Variants in KHDC4 observed in about 807,000 individuals in gnomAD.
KHDC4 encodes the protein KH homology domain-containing protein 4.
KHDC4 carries 19 observed loss-of-function variants against 74.5 expected under a neutral mutation model. The observed-to-expected ratio is 0.26, with a 90% confidence interval of 0.18 to 0.37. KHDC4 has a LOEUF of 0.37. Ranked by LOEUF, KHDC4 falls within the 10% of genes least tolerant of loss-of-function variation. The pLI is 1.00. For synonymous variants in KHDC4, 253 were observed against 266.1 expected, an observed-to-expected ratio of 0.95 and a Z score of 0.48; for missense variants, 632 against 754.1, an observed-to-expected ratio of 0.84 and a Z score of 1.90.
At chr1:155,919,965 T>C (rs1245762028) in intron 10 of KHDC4, 7 of 517,790 alleles carry the variant, frequency 1.4e-5, no homozygotes, top group Non-Finnish European at 2.7e-5. Flanking sequence ...TGGGCAATGG[T>C]TCGAGGCTGC....
intron 11 of KHDC4, 66 bp downstream of exon 11, chr1:155,917,432 CT>C: frequency 7.6e-7 from 1 of 1,316,400 alleles, no homozygotes; most frequent in Non-Finnish European, 1.1e-6. Flanking sequence ...GTGAATTTAT[CT>C]TTTTTAAAGG....
At chr1:155,926,081 T>G in intron 6 of KHDC4, 1 of 701,864 alleles carries the variant, frequency 1.4e-6, no homozygotes, top group East Asian at 2.8e-5. Context: ...TTCTTAGTCC[T>G]CCAGTTGTCA....
chr1:155,923,735 G>C, intron 7 of KHDC4, 48 bp from the exon 8 acceptor site: 1 of 1,394,862 alleles, frequency 7.2e-7, no homozygotes, highest in South Asian at 1.2e-5. Context: ...ATAAATAAAA[G>C]ATGCAGAATT....
At chr1:155,923,718 G>C (rs947965239) in intron 7 of KHDC4, 31 bp from the exon 8 acceptor site, 1 of 1,542,620 alleles carries the variant, frequency 6.5e-7, no homozygotes, top group Non-Finnish European at 9.0e-7. Flanking sequence ...ATTCAAAGGA[G>C]AGAAAAATAA....
In KHDC4 at chr1:155,934,317, C is replaced by T. The variant is rs749149628; in HGVS notation, c.38+19G>A. Reference sequence around the variant, plus strand: ...GCGCCCCAGTGCTCGCTCCGATGCCCTCGCCCCTGAAGCCGTACCCGCCAG... The same window carrying T: ...GCGCCCCAGTGCTCGCTCCGATGCCTTCGCCCCTGAAGCCGTACCCGCCAG... On this transcript the variant is annotated intron_variant, in intron 1 of 13. Transcript: ENST00000368321. 4 of 1,607,386 alleles carry T rather than the reference C, an allele frequency of 2.5e-6. No individual in the cohort carries two copies. The highest frequency in any genetic ancestry group is 1.7e-5 in the Admixed American group (1 of 59,958).
intron 10 of KHDC4, among the ~76,000 whole-genome samples, chr1:155,919,539 G>T (rs1382250367): frequency 2.0e-5 from 3 of 151,930 alleles, no homozygotes; most frequent in Admixed American, 6.6e-5. Flanking sequence ...GGCCGGGCGC[G>T]GTGGCTCACG....
intron 5 of KHDC4, 123 bp from the exon 6 acceptor site, chr1:155,926,962 C>A: frequency 7.5e-7 from 1 of 1,325,536 alleles, no homozygotes. Context: ...CTCTCCATCC[C>A]TCTAAACTCC....
In KHDC4 at chr1:155,925,591, T is replaced by C. The variant is rs374167437; in HGVS notation, c.893+41A>G. The C allele has an allele frequency of 5.2e-6, 8 of 1,535,880 alleles. No individual in the cohort carries two copies. The African/African-American group carries it at 6.8e-5, about 13-fold the overall frequency. On this transcript the variant is annotated intron_variant, in intron 7 of 13. Transcript: ENST00000368321. ...AATCACTCCTGACTGTACCAACAAGTTGACAAGAATTCACATGTCCCCTGC... is the reference window on the plus strand; with the variant it reads ...AATCACTCCTGACTGTACCAACAAGCTGACAAGAATTCACATGTCCCCTGC...
At chr1:155,928,900 C>T (rs1674082805) in intron 4 of KHDC4, among the ~76,000 whole-genome samples, 1 of 146,298 alleles carries the variant, frequency 6.8e-6, no homozygotes, top group South Asian at 2.1e-4. Flanking sequence ...TGAAGTGAGC[C>T]GAGATCACGC....
intron 12 of KHDC4, 119 bp downstream of exon 12, chr1:155,916,506 T>G: frequency 1.4e-6 from 1 of 713,914 alleles, no homozygotes; most frequent in East Asian, 2.6e-5. Flanking sequence ...AGAAGCATAT[T>G]TGATTCAAAG....
chr1:155,914,409 A>T, intron 13 of KHDC4, 89 bp from the exon 14 acceptor site: 1 of 1,099,592 alleles, frequency 9.1e-7, no homozygotes, highest in Non-Finnish European at 1.3e-6. Flanking sequence ...AAAAGATGTT[A>T]ATTTTAAGTG....
intron 13 of KHDC4, chr1:155,915,649 A>G: frequency 2.2e-6 from 1 of 457,244 alleles, no homozygotes. Context: ...CTGGAATTAC[A>G]GGCGCCCACC....
chr1:155,920,235 C>T (rs1024920519), intron 10 of KHDC4, among the ~76,000 whole-genome samples: 2 of 127,308 alleles, frequency 1.6e-5, no homozygotes, highest in South Asian at 3.0e-4. Context: ...GTCAGGAGAT[C>T]GAGATCATCC....
At chr1:155,917,802 C>T in intron 10 of KHDC4, 130 bp from the exon 11 acceptor site, 1 of 752,684 alleles carries the variant, frequency 1.3e-6, no homozygotes, top group South Asian at 2.0e-5. Context: ...TCCTTAGTTT[C>T]CTTCATGTAT....
intron 4 of KHDC4, 94 bp from the exon 5 acceptor site, chr1:155,927,250 T>C: frequency 1.0e-6 from 1 of 984,544 alleles, no homozygotes; most frequent in East Asian, 2.4e-5. Flanking sequence ...ATGTTTCAAG[T>C]TTCCAAATAA....
Position 155,933,758 on chromosome 1 carries a change from T to G in KHDC4, c.130A>C (p.Ser44Arg). The G allele has an allele frequency of 6.2e-7, 1 of 1,603,624 alleles. No homozygotes were observed. Among genetic ancestry groups the G allele is most frequent in the Non-Finnish European group, 8.5e-7 (1 of 1,174,194 alleles). ...PGGEVTSSGG[S>R]PGGTTAAPSG... The stretch of plus-strand genomic sequence containing the variant: ...GGAGCAGCTGTGGTGCCCCCAGGAC[T>G]TCCCCCACTGCTGGTGACCTCCCCA... Residue 44 changes from serine to arginine, a missense_variant, in exon 2 of 14, where the codon AGT (serine) becomes CGT (arginine). Ser to Arg is a moderately radical substitution (Grantham distance 110). This residue lies in a region of KHDC4 where 104 missense variants were observed against 78.1 expected (regional missense o/e 1.33). Coordinates refer to ENST00000368321, the MANE Select transcript of KHDC4 (RefSeq NM_014949.4).
intron 10 of KHDC4, among the ~76,000 whole-genome samples, chr1:155,918,340 G>A (rs759452790): frequency 1.3e-5 from 2 of 152,114 alleles, no homozygotes; most frequent in Non-Finnish European, 2.9e-5. Flanking sequence ...CCAGGTTCAA[G>A]CGATTCTCTT....
intron 2 of KHDC4, chr1:155,932,457 G>C (rs767173995): frequency 2.0e-5 from 3 of 151,928 alleles, no homozygotes; most frequent in Non-Finnish European, 4.4e-5. Context: ...GTGGATTCTG[G>C]GTTTTTAGGT....
rs1371911854 is a variant in KHDC4, at chr1:155,927,159, A to G, written c.465-3T>C. 1.9e-6 allele frequency: 3 copies of G among 1,613,022 alleles called. No individual in the cohort carries two copies. Among genetic ancestry groups the G allele is most frequent in the Non-Finnish European group, 2.5e-6 (3 of 1,179,044 alleles). ...CATGAAGATATAATGGACGATCCCT[A>G]TAAAGAGAAACAAAAAAGGATGATC... On this transcript the variant is annotated splice_polypyrimidine_tract_variant and splice_region_variant and intron_variant, in intron 4 of 13. Coordinates refer to ENST00000368321, the MANE Select transcript of KHDC4 (RefSeq NM_014949.4).
Sources: gnomAD v4.1 joint callset for allele counts (sites outside exome capture counted in the v4.1 genomes callset) on GRCh38, gnomAD v4.1.1 for gene constraint, gnomAD v4.1.1 regional missense constraint, MANE v1.5 for transcripts, NCBI Gene and HGNC (gene_info 2026-07-23, HGNC 2026-07-21) for gene names.